Variants in RTN1 observed in about 807,000 individuals in gnomAD.
RTN1 encodes the protein reticulon-1.
RTN1 carries 25 observed loss-of-function variants against 65.5 expected under a neutral mutation model. That is an observed-to-expected ratio of 0.38 (90% CI 0.28 to 0.53). The LOEUF is 0.53. Among genes scored for constraint, RTN1 ranks in the 20% least tolerant of loss-of-function variants. The pLI is 0.79. For synonymous variants in RTN1, 471 were observed against 447.6 expected (o/e 1.05, Z -0.66); for missense variants, 983 against 1,025.4 (o/e 0.96, Z 0.57).
intron 1 of RTN1, among the ~76,000 whole-genome samples, chr14:59,847,980 A>C (rs1887438740): frequency 6.6e-6 from 1 of 151,986 alleles, no homozygotes; most frequent in South Asian, 2.1e-4. Context: ...ACCTGAAATA[A>C]TTTTTCTCAC....
At chr14:59,733,079 C>CTT (rs5809048) in intron 2 of RTN1, among the ~76,000 whole-genome samples, 56,955 of 145,476 alleles carry the variant, frequency 0.39, 11,437 homozygotes, top group African/African-American at 0.47. Flanking sequence ...GGTCAGACTG[C>CTT]TTTTTTTTTT....
intron 3 of RTN1, among the ~76,000 whole-genome samples, chr14:59,682,786 A>C (rs772745757): frequency 6.6e-6 from 1 of 152,200 alleles, no homozygotes; most frequent in Non-Finnish European, 1.5e-5. Context: ...TTTCCTCATA[A>C]TTCTATGATT....
intron 2 of RTN1, among the ~76,000 whole-genome samples, chr14:59,740,942 C>T (rs1229162003): frequency 2.0e-5 from 3 of 151,916 alleles, no homozygotes; most frequent in Non-Finnish European, 4.4e-5. Flanking sequence ...AGAAAGGCAC[C>T]CCAGGGTGAT....
At chr14:59,622,846 G>C (rs189926763) in intron 3 of RTN1, among the ~76,000 whole-genome samples, 2 of 152,120 alleles carry the variant, frequency 1.3e-5, no homozygotes, top group Non-Finnish European at 2.9e-5. Context: ...CTGCTGGCAC[G>C]GACTTCTGCT....
intron 3 of RTN1, chr14:59,630,919 G>T: frequency 1.2e-6 from 1 of 851,004 alleles, no homozygotes; most frequent in Non-Finnish European, 1.4e-6. Context: ...GTTCCTGGGA[G>T]TTCTTGACTC....
At chr14:59,812,847 TCA>T (rs1426267110) in intron 1 of RTN1, among the ~76,000 whole-genome samples, 1 of 152,202 alleles carries the variant, frequency 6.6e-6, no homozygotes, top group Non-Finnish European at 1.5e-5. Context: ...GCACAATCTT[TCA>T]ATAATTTGCA....
intron 1 of RTN1, among the ~76,000 whole-genome samples, chr14:59,864,662 A>G: frequency 6.6e-6 from 1 of 152,336 alleles, no homozygotes; most frequent in East Asian, 1.9e-4. Flanking sequence ...AATAAATAGT[A>G]GTATAATCAT....
In RTN1 at chr14:59,825,104, A is replaced by C. The variant is rs980993848; in HGVS notation, c.241+45286T>G. Among the ~76,000 whole-genome samples the C allele has an allele frequency of 2.6e-5, 4 of 152,266 alleles. No individual in the cohort carries two copies. The highest frequency in any genetic ancestry group is 2.4e-5 in the African/African-American group (1 of 41,472). On this transcript the variant is annotated intron_variant, in intron 1 of 8. Coordinates refer to ENST00000267484, the MANE Select transcript of RTN1 (RefSeq NM_021136.3). The surrounding 1 kb of genome is among the most constrained non-coding windows in gnomAD (Gnocchi z 4.2). ...TCCAGTTAATAATACTATAGCGTAC[A>C]CGTGAAATTAACTTGTTCTAGAGAG...
chr14:59,843,298 C>T (rs762150901), intron 1 of RTN1, among the ~76,000 whole-genome samples: 2 of 152,140 alleles, frequency 1.3e-5, no homozygotes, highest in African/African-American at 2.4e-5. Flanking sequence ...TAACGGTTGC[C>T]TCTGGGAATG....
In RTN1 at chr14:59,766,017, G is replaced by A. The variant is rs1885842695; in HGVS notation, c.242-19536C>T. ...GGCCTAGGCGGGTGGATCACCTGAGGTCAGGGGTTCAAGATCAGCCTGGCC... is the reference window on the plus strand; with the variant it reads ...GGCCTAGGCGGGTGGATCACCTGAGATCAGGGGTTCAAGATCAGCCTGGCC... On this transcript the variant is annotated intron_variant, in intron 1 of 8. Coordinates refer to ENST00000267484, the MANE Select transcript of RTN1 (RefSeq NM_021136.3). The surrounding 1 kb of genome is among the most constrained non-coding windows in gnomAD (Gnocchi z 4.4). Among the ~76,000 whole-genome samples, 1 of 152,174 alleles carries A rather than the reference G, an allele frequency of 6.6e-6. No individual in the cohort carries two copies. The highest frequency in any genetic ancestry group is 2.4e-5 in the African/African-American group (1 of 41,446).
chr14:59,732,822 T>A (rs1884927117), intron 2 of RTN1, among the ~76,000 whole-genome samples: 1 of 152,178 alleles, frequency 6.6e-6, no homozygotes, highest in Non-Finnish European at 1.5e-5. Flanking sequence ...AGCAGTGTCG[T>A]TTTGTGGGCC....
At chr14:59,827,641 C>G (rs1887057750) in intron 1 of RTN1, among the ~76,000 whole-genome samples, 1 of 152,182 alleles carries the variant, frequency 6.6e-6, no homozygotes, top group African/African-American at 2.4e-5. Flanking sequence ...GAAGCCCTGT[C>G]CCAGGAGAAA....
intron 1 of RTN1, among the ~76,000 whole-genome samples, chr14:59,817,591 T>C (rs1359268708): frequency 1.3e-5 from 2 of 151,934 alleles, no homozygotes; most frequent in Non-Finnish European, 2.9e-5. Context: ...ATTGTTGATA[T>C]ACTAAAGCAT....
rs147720295 is a variant in RTN1 at position 59,790,796 on chromosome 14, T to A, written c.242-44315A>T. Among the ~76,000 whole-genome samples the A allele has an allele frequency of 8.3e-4, 126 of 152,294 alleles. No homozygotes were observed. Among genetic ancestry groups the A allele is most frequent in the Admixed American group, 1.5e-3 (23 of 15,284 alleles). ...TTGGCTGTATCATCTTTGAGTTTTG[T>A]ATCTATTGCCTTCTGATGTTTAACT... On this transcript the variant is annotated intron_variant, in intron 1 of 8. Coordinates refer to ENST00000267484, the MANE Select transcript of RTN1 (RefSeq NM_021136.3). The surrounding 1 kb of genome is among the most constrained non-coding windows in gnomAD (Gnocchi z 4.1).
chr14:59,740,547 A>G (rs1002772750), intron 2 of RTN1, among the ~76,000 whole-genome samples: 10 of 152,218 alleles, frequency 6.6e-5, no homozygotes, highest in Admixed American at 2.0e-4. Context: ...CAGAAAAAGA[A>G]GGCCCAGGGT....
At chr14:59,658,301 G>T (rs1200053140) in intron 3 of RTN1, among the ~76,000 whole-genome samples, 2 of 152,242 alleles carry the variant, frequency 1.3e-5, no homozygotes, top group Admixed American at 1.3e-4. Flanking sequence ...GCACCTGGGA[G>T]AAGGGGTGGC....
intron 1 of RTN1, among the ~76,000 whole-genome samples, chr14:59,864,802 C>A: frequency 6.6e-6 from 1 of 152,070 alleles, no homozygotes; most frequent in East Asian, 1.9e-4. Flanking sequence ...ATTTTAATAC[C>A]ATGTGTATGT....
chr14:59,859,296 G>C (rs1269731298), intron 1 of RTN1, among the ~76,000 whole-genome samples: 2 of 152,268 alleles, frequency 1.3e-5, no homozygotes, highest in Non-Finnish European at 2.9e-5. Context: ...TCTCGTGATA[G>C]CGAGATCTGA....
At chr14:59,704,052 G>C (rs1319374714) in intron 3 of RTN1, among the ~76,000 whole-genome samples, 1 of 152,176 alleles carries the variant, frequency 6.6e-6, no homozygotes, top group Non-Finnish European at 1.5e-5. Context: ...TCAGCAGCAT[G>C]GAGCTCTTGA....
Sources: allele counts gnomAD v4.1 joint callset (sites outside exome capture counted in the v4.1 genomes callset), GRCh38; gene constraint gnomAD v4.1.1; non-coding constraint Gnocchi (gnomAD v3.1); transcripts MANE v1.5; gene names NCBI Gene and HGNC (gene_info 2026-07-23, HGNC 2026-07-21).